TRIM69: variants seen among roughly 807,000 people sequenced by gnomAD.
The protein encoded by TRIM69 is tripartite motif containing 69.
In TRIM69, 29 loss-of-function variants were observed where a neutral mutation model predicts 37.7. The ratio of observed to expected loss-of-function variants is 0.77; its 90% CI spans 0.57 to 1.05. TRIM69 has a LOEUF of 1.05. Among genes scored for constraint, TRIM69 ranks in the 50% least tolerant of loss-of-function variants. TRIM69 has a pLI of 0.00. For synonymous variants in TRIM69, 209 were observed against 212.4 expected (o/e 0.98, Z 0.14); for missense variants, 596 against 579.9 (o/e 1.03, Z -0.28).
rs1027272190 is a variant in TRIM69 at position 44,754,802 on chromosome 15, T to A, written c.7-98T>A. On this transcript the variant is annotated intron_variant, in intron 1 of 6. Transcript: ENST00000329464. Reference sequence around the variant, plus strand: ...AGATTATGTGCTTTTACTTTAGTTGTACCAATTTTCAGCTCCTTTAGGAAT... The same window carrying A: ...AGATTATGTGCTTTTACTTTAGTTGAACCAATTTTCAGCTCCTTTAGGAAT... The A allele has an allele frequency of 1.0e-5, 9 of 868,486 alleles. No individual in the cohort carries two copies. The African/African-American group carries it at 1.2e-4, about 11-fold the overall frequency. 53.8% of individuals were successfully genotyped at this position (868,486 alleles called of 1,614,324 possible). A position where few individuals can be genotyped will look rare whatever the true frequency, so the allele number is the denominator to read the frequency against.
At chr15:44,740,410 G>T (rs1292277723) in intron 1 of TRIM69, among the ~76,000 whole-genome samples, 1 of 152,188 alleles carries the variant, frequency 6.6e-6, no homozygotes, top group Non-Finnish European at 1.5e-5. Flanking sequence ...AGAGAAGAAG[G>T]CTTCAGATGA....
In TRIM69 at chr15:44,740,989, C is replaced by G. The variant is rs2087270889; in HGVS notation, c.6+4279C>G. The stretch of plus-strand genomic sequence containing the variant: ...ACCTAATAGACATCTACAGAACTCT[C>G]CACCCTAAATCAACAGAATATACAT... On this transcript the variant is annotated intron_variant, in intron 1 of 6. Coordinates refer to ENST00000329464, the MANE Select transcript of TRIM69 (RefSeq NM_182985.5). Among the ~76,000 whole-genome samples the G allele has an allele frequency of 1.3e-5, 2 of 152,000 alleles. 1 individual carries two copies. Among genetic ancestry groups the G allele is most frequent in the South Asian group, 4.2e-4 (2 of 4,794 alleles).
intron 1 of TRIM69, among the ~76,000 whole-genome samples, chr15:44,742,728 A>T (rs1448436971): frequency 6.1e-5 from 8 of 130,126 alleles, no homozygotes; most frequent in Admixed American, 1.6e-4. Flanking sequence ...CTTCAAAGAG[A>T]ATAAAATACC....
rs779928985 is a variant in TRIM69 at position 44,756,495 on chromosome 15, G to T, written c.579+32G>T. On this transcript the variant is annotated intron_variant, in intron 3 of 6. Transcript: ENST00000329464. ...AGCAAGAAAGAGGGGTTATGAGATA[G>T]AACTGGAACACACCCTCCATGTAAC... The T allele has an allele frequency of 1.0e-5, 15 of 1,432,280 alleles. No homozygotes were observed. The South Asian group carries it at 1.8e-4, about 18-fold the overall frequency. The allele number at this position is 1,432,280 out of a possible 1,614,324, so 88.7% of individuals were successfully genotyped here. A position where few individuals can be genotyped will look rare whatever the true frequency, so the allele number is the denominator to read the frequency against.
chr15:44,748,641 ATGGTGAAACTC>A (rs2087457025), intron 1 of TRIM69, among the ~76,000 whole-genome samples: 1 of 151,730 alleles, frequency 6.6e-6, no homozygotes, highest in Non-Finnish European at 1.5e-5. Flanking sequence ...CCTGGCCAAC[ATGGTGAAACTC>A]TGTCTCCACT....
In TRIM69 at chr15:44,754,926, C is replaced by T. The variant is rs748470236; in HGVS notation, c.33C>T (p.Ile11=). 9.5e-5 allele frequency: 153 copies of T among 1,612,714 alleles called. 1 individual carries two copies. The highest frequency in any genetic ancestry group is 8.1e-4 in the South Asian group (74 of 90,936). The change falls in exon 2 of 7, where the codon ATC becomes ATT. Residue 11 remains isoleucine (I), a synonymous_variant. Transcript: ENST00000329464. The stretch of plus-strand genomic sequence containing the variant: ...TATCCACCAACCCCTCCTCCAACAT[C>T]GATCCAGGCGACTATGTTGAAATGA... The part of the protein sequence containing the change: MEVSTNPSSN[I]DPGDYVEMND...
chr15:44,754,889 C>T lies in TRIM69; in HGVS notation c.7-11C>T. The T allele has an allele frequency of 6.3e-7, 1 of 1,579,642 alleles. No homozygotes were observed. Among genetic ancestry groups the T allele is most frequent in the Non-Finnish European group, 8.7e-7 (1 of 1,154,748 alleles). Reference sequence around the variant, plus strand: ...GAAAGATAAACTCATTTTAGCTGTTCTTTTCTAAAGGTATCCACCAACCCC... The same window carrying T: ...GAAAGATAAACTCATTTTAGCTGTTTTTTTCTAAAGGTATCCACCAACCCC... On this transcript the variant is annotated splice_polypyrimidine_tract_variant and intron_variant, in intron 1 of 6. Transcript: ENST00000329464.
chr15:44,740,462 C>T (rs1388010308), intron 1 of TRIM69, among the ~76,000 whole-genome samples: 1 of 152,092 alleles, frequency 6.6e-6, no homozygotes, highest in Non-Finnish European at 1.5e-5. Context: ...AAACCAAAGG[C>T]AAAGAAGTTA....
rs55736812 is a variant in TRIM69, at chr15:44,767,053, C to CAAAAAAAAAAAAAAAAAAAAAA, written c.962-168_962-147dup. 2.5e-4 allele frequency among the ~76,000 whole-genome samples: 6 copies of CAAAAAAAAAAAAAAAAAAAAAA among 24,316 alleles called. 2 individuals carry two copies. Among genetic ancestry groups the CAAAAAAAAAAAAAAAAAAAAAA allele is most frequent in the Non-Finnish European group, 3.5e-4 (5 of 14,436 alleles). 16.0% of individuals were successfully genotyped at this position (24,316 alleles called of 152,430 possible). On this transcript the variant is annotated intron_variant, in intron 6 of 6. Transcript: ENST00000329464. ...CAGCCCTGGGCAACCTTGTCTGCCTCAAAAAAAAAAAAAAAAAAAAAAAAA... is the reference window on the plus strand; with the variant it reads ...CAGCCCTGGGCAACCTTGTCTGCCTCAAAAAAAAAAAAAAAAAAAAAAAAAAAAAAAAAAAAAAAAAAAAAAA...
chr15:44,750,495 T>C (rs1039892467), intron 1 of TRIM69, among the ~76,000 whole-genome samples: 1 of 152,120 alleles, frequency 6.6e-6, no homozygotes, highest in African/African-American at 2.4e-5. Context: ...TCTGGAAATT[T>C]TCCATCTCAT....
At chr15:44,739,600 C>T (rs927594260) in intron 1 of TRIM69, among the ~76,000 whole-genome samples, 8 of 152,330 alleles carry the variant, frequency 5.3e-5, no homozygotes, top group Middle Eastern at 3.4e-3. Context: ...CTCGGAGGGC[C>T]CTACGCCCAT....
intron 1 of TRIM69, among the ~76,000 whole-genome samples, chr15:44,739,221 A>G (rs915211758): frequency 6.6e-6 from 1 of 152,178 alleles, no homozygotes; most frequent in Admixed American, 6.5e-5. Context: ...TATTTTAAAC[A>G]TACTTTAAAA....
At chr15:44,750,517 A>G (rs113421324) in intron 1 of TRIM69, among the ~76,000 whole-genome samples, 1 of 151,942 alleles carries the variant, frequency 6.6e-6, no homozygotes, top group East Asian at 1.9e-4. Flanking sequence ...TGGGTTGTTC[A>G]TTTGTTGGCA....
chr15:44,762,020 G>T (rs563336314), intron 6 of TRIM69, among the ~76,000 whole-genome samples: 1 of 152,122 alleles, frequency 6.6e-6, no homozygotes, highest in Admixed American at 6.5e-5. Context: ...CCAGGCTGGA[G>T]TGTGGTGCAA....
chr15:44,742,877 T>A (rs1301274267), intron 1 of TRIM69, among the ~76,000 whole-genome samples: 1 of 151,040 alleles, frequency 6.6e-6, no homozygotes, highest in African/African-American at 2.4e-5. Context: ...ATCGTGAAAA[T>A]GGCCATACTG....
chr15:44,746,477 G>A (rs1174174618), intron 1 of TRIM69, among the ~76,000 whole-genome samples: 2 of 151,954 alleles, frequency 1.3e-5, no homozygotes, highest in African/African-American at 2.4e-5. Context: ...TTTTTCTAAA[G>A]TTTTAAAAGA....
chr15:44,764,094 G>C (rs191385530), intron 6 of TRIM69, among the ~76,000 whole-genome samples: 9 of 152,188 alleles, frequency 5.9e-5, no homozygotes, highest in Non-Finnish European at 1.0e-4. Flanking sequence ...GTAGATGTTT[G>C]TAAGTTTCTG....
chr15:44,758,959 CA>C (rs1198462521), intron 4 of TRIM69, 105 bp downstream of exon 4: 7 of 1,329,750 alleles, frequency 5.3e-6, no homozygotes, highest in Non-Finnish European at 5.1e-6. Flanking sequence ...GAAAACAAAA[CA>C]AAACAAAACA....
intron 1 of TRIM69, among the ~76,000 whole-genome samples, chr15:44,741,057 T>C (rs1407717092): frequency 1.3e-5 from 2 of 150,156 alleles, no homozygotes; most frequent in East Asian, 1.9e-4. Context: ...ATTGACCACA[T>C]AGTTGGAAGT....
Sources: gnomAD v4.1 joint callset for allele counts (sites outside exome capture counted in the v4.1 genomes callset) on GRCh38, gnomAD v4.1.1 for gene constraint, MANE v1.5 for transcripts, NCBI Gene and HGNC (gene_info 2026-07-23, HGNC 2026-07-21) for gene names.